The following STAC variants were observed in gnomAD, a reference collection of about 807,000 sequenced individuals.
STAC encodes SH3 and cysteine rich domain.
In STAC, 43 loss-of-function variants were observed where a neutral mutation model predicts 48.8. The observed-to-expected ratio is 0.88, with a 90% CI of 0.69 to 1.14. STAC has a LOEUF of 1.14. Among genes scored for constraint, STAC ranks in the 50% most tolerant of loss-of-function variants. The pLI, the probability that STAC is intolerant of heterozygous loss-of-function variation, is 0.00. For synonymous variants in STAC, 193 were observed against 179.5 expected (o/e 1.07, Z -0.60); for missense variants, 497 against 504.0 (o/e 0.99, Z 0.13).
rs372660235 is a variant in STAC at position 36,452,548 on chromosome 3, G to C, written c.388+8908G>C. On this transcript the variant is annotated intron_variant, in intron 2 of 10. Coordinates refer to ENST00000273183, the MANE Select transcript of STAC (RefSeq NM_003149.3). Reference sequence around the variant, plus strand: ...TTTAATAGTTGGCCAATATGAATTTGTTAAGTGAGTGAATGAGTGTTCAAC... The same window carrying C: ...TTTAATAGTTGGCCAATATGAATTTCTTAAGTGAGTGAATGAGTGTTCAAC... 5.9e-5 allele frequency among the ~76,000 whole-genome samples: 9 copies of C among 152,298 alleles called. No homozygotes were observed. In the East Asian group the frequency reaches 1.7e-3, roughly 29 times the overall value.
At chr3:36,536,217 A>G (rs1354428522) in intron 10 of STAC, among the ~76,000 whole-genome samples, 8 of 152,058 alleles carry the variant, frequency 5.3e-5, no homozygotes, top group African/African-American at 1.9e-4. Context: ...GGCCATTGAC[A>G]TTCTTCACAG....
intron 1 of STAC, among the ~76,000 whole-genome samples, chr3:36,427,550 A>T (rs1022894026): frequency 2.6e-5 from 4 of 152,174 alleles, no homozygotes; most frequent in African/African-American, 9.7e-5. Context: ...TAAGCAGTTC[A>T]TCTAGTAGTT....
At chr3:36,527,969 G>C (rs1698976093) in intron 8 of STAC, among the ~76,000 whole-genome samples, 1 of 152,030 alleles carries the variant, frequency 6.6e-6, no homozygotes, top group Admixed American at 6.5e-5. Context: ...GGAAGGTGTA[G>C]ATAATGATAA....
intron 2 of STAC, among the ~76,000 whole-genome samples, chr3:36,464,127 TCCCA>T (rs1338374104): frequency 6.6e-6 from 1 of 152,198 alleles, no homozygotes; most frequent in Admixed American, 6.5e-5. Flanking sequence ...TAGTTTACAG[TCCCA>T]CCAACAGTGT....
At chr3:36,422,232 T>A (rs1457136697) in intron 1 of STAC, among the ~76,000 whole-genome samples, 1 of 152,156 alleles carries the variant, frequency 6.6e-6, no homozygotes, top group African/African-American at 2.4e-5. Flanking sequence ...AAGAGTCATG[T>A]TATTCTTGAT....
intron 1 of STAC, among the ~76,000 whole-genome samples, chr3:36,438,085 G>T (rs1004177709): frequency 6.6e-6 from 1 of 151,926 alleles, no homozygotes; most frequent in Non-Finnish European, 1.5e-5. Context: ...TTATAGGCAT[G>T]TGCCACCACA....
chr3:36,505,197 G>A (rs1698371546), intron 7 of STAC, among the ~76,000 whole-genome samples: 1 of 152,050 alleles, frequency 6.6e-6, no homozygotes, highest in Admixed American at 6.6e-5. Flanking sequence ...ATTATTGCAA[G>A]GTTTCATTGC....
intron 1 of STAC, among the ~76,000 whole-genome samples, chr3:36,429,690 C>T (rs1220272903): frequency 6.6e-6 from 1 of 152,168 alleles, no homozygotes; most frequent in Non-Finnish European, 1.5e-5. Flanking sequence ...CTTGCCTCCT[C>T]GGAATTGAGT....
chr3:36,486,345 A>G, intron 5 of STAC, 96 bp downstream of exon 5: 3 of 1,088,926 alleles, frequency 2.8e-6, no homozygotes, highest in Non-Finnish European at 4.0e-6. Flanking sequence ...TGACTGCCTC[A>G]TGAGGGCAGG....
intron 2 of STAC, among the ~76,000 whole-genome samples, chr3:36,451,547 C>G (rs1437328527): frequency 6.6e-6 from 1 of 152,128 alleles, no homozygotes; most frequent in Non-Finnish European, 1.5e-5. Context: ...TAGCTTTAAC[C>G]AGTTTCAATA....
chr3:36,531,036 A>C (rs1190013003), intron 10 of STAC, among the ~76,000 whole-genome samples: 2 of 152,248 alleles, frequency 1.3e-5, no homozygotes, highest in Non-Finnish European at 2.9e-5. Flanking sequence ...AAATCATTGA[A>C]AACAAGAGAC....
At chr3:36,544,136 A>T (rs568904368) in intron 10 of STAC, among the ~76,000 whole-genome samples, 14 of 152,034 alleles carry the variant, frequency 9.2e-5, no homozygotes, top group Admixed American at 7.9e-4. Flanking sequence ...TCCAAGACAC[A>T]CTCCCTGCTC....
At chr3:36,512,781 T>C (rs759227505) in intron 8 of STAC, among the ~76,000 whole-genome samples, 13 of 152,198 alleles carry the variant, frequency 8.5e-5, no homozygotes, top group African/African-American at 1.7e-4. Flanking sequence ...AAATCACACA[T>C]ACTTTTTTTT....
At chr3:36,522,438 T>C (rs1348764564) in intron 8 of STAC, among the ~76,000 whole-genome samples, 1 of 152,198 alleles carries the variant, frequency 6.6e-6, no homozygotes, top group Non-Finnish European at 1.5e-5. Context: ...CCTCAAAAAA[T>C]ATTGATGGGG....
Position 36,512,277 on chromosome 3 carries a change from C to T in STAC, c.920+6443C>T, listed in dbSNP as rs150867420. On this transcript the variant is annotated intron_variant, in intron 8 of 10. Transcript: ENST00000273183. ...AAGTAAAGCCGTGTTCTGTTACAGA[C>T]ATGACAAGCCCTGTGAGCCAGAGCA... Among the ~76,000 whole-genome samples the T allele has an allele frequency of 9.5e-4, 145 of 152,272 alleles. 1 individual carries two copies. The Middle Eastern group carries it at 0.017, about 18-fold the overall frequency.
Position 36,485,971 on chromosome 3 carries a change from A to T in STAC, c.572-163A>T, listed in dbSNP as rs562232910. ...ATGGGAGCATGCTGGGTGGGGGTGC[A>T]TCTGTGAGGAACACTTGGCCATGAA... On this transcript the variant is annotated intron_variant, in intron 4 of 10. Transcript: ENST00000273183. 104 of 604,306 alleles carry T rather than the reference A, an allele frequency of 1.7e-4. 1 individual carries two copies. In the South Asian group the frequency reaches 2.1e-3, roughly 12 times the overall value. 37.4% of individuals were successfully genotyped at this position (604,306 alleles called of 1,614,324 possible). A position where few individuals can be genotyped will look rare whatever the true frequency, so the allele number is the denominator to read the frequency against.
chr3:36,466,993 C>A (rs1384257699), intron 2 of STAC, among the ~76,000 whole-genome samples: 1 of 151,616 alleles, frequency 6.6e-6, no homozygotes, highest in Non-Finnish European at 1.5e-5. Context: ...TCATAAATGG[C>A]TTTTATTACC....
At chr3:36,503,414 T>G (rs1186935058) in intron 6 of STAC, among the ~76,000 whole-genome samples, 2 of 152,050 alleles carry the variant, frequency 1.3e-5, no homozygotes. Flanking sequence ...ATTTTGTTTA[T>G]TGTTTTTTGT....
rs769878310 is a variant in STAC at position 36,446,741 on chromosome 3, A to ATC, written c.388+3103_388+3104dup. 7.2e-4 allele frequency among the ~76,000 whole-genome samples: 110 copies of ATC among 152,340 alleles called. 1 individual carries two copies. Among genetic ancestry groups the ATC allele is most frequent in the South Asian group, 2.3e-3 (11 of 4,826 alleles). On this transcript the variant is annotated intron_variant, in intron 2 of 10. Transcript: ENST00000273183. ...GACTCCATTCTGTTTATTGCCAGAT[A>ATC]TCTTGTTTCAAAAACTATTTTTAAA... is the stretch of plus-strand genomic sequence containing the variant.
Sources: allele counts gnomAD v4.1 joint callset (sites outside exome capture counted in the v4.1 genomes callset), GRCh38; gene constraint gnomAD v4.1.1; transcripts MANE v1.5; gene names NCBI Gene and HGNC (gene_info 2026-07-23, HGNC 2026-07-21).